The following CSMD1 variants were observed in gnomAD, a reference collection of about 807,000 sequenced individuals.
The protein encoded by CSMD1 is CUB and Sushi multiple domains 1.
In CSMD1, 213 loss-of-function variants were observed where a neutral mutation model predicts 417.5. The ratio of observed to expected loss-of-function variants is 0.51; its 90% CI spans 0.46 to 0.57. The LOEUF (loss-of-function observed/expected upper bound fraction) is 0.57, where lower values mean the gene tolerates loss of function less well. Ranked by LOEUF, CSMD1 falls within the 20% of genes least tolerant of loss-of-function variation. The probability of loss-of-function intolerance (pLI) is 0.00; values close to 1 mark genes in which losing one functional copy is unlikely to be tolerated. For synonymous variants in CSMD1, 2,862 were observed against 1,736.8 expected, an observed-to-expected ratio of 1.65 and a Z score of -16.11; for missense variants, 6,923 against 4,529.7, an observed-to-expected ratio of 1.53 and a Z score of -15.17.
At chr8:4,852,896 G>A (rs1801566976) in intron 1 of CSMD1, among the ~76,000 whole-genome samples, 1 of 152,162 alleles carries the variant, frequency 6.6e-6, no homozygotes, top group Non-Finnish European at 1.5e-5. Flanking sequence ...AGGAATCTGT[G>A]GAAGGTTGAG....
chr8:4,225,859 AACT>A (rs1737796001), intron 3 of CSMD1, among the ~76,000 whole-genome samples: 1 of 152,212 alleles, frequency 6.6e-6, no homozygotes, highest in East Asian at 1.9e-4. Flanking sequence ...TGAAAGTTTT[AACT>A]GTGCATATAT....
At chr8:3,720,611 C>G (rs1448269673) in intron 6 of CSMD1, among the ~76,000 whole-genome samples, 2 of 63,412 alleles carry the variant, frequency 3.2e-5, no homozygotes, top group Non-Finnish European at 6.4e-5. Flanking sequence ...TGGTCAAAGT[C>G]TTTATTCTTA....
intron 1 of CSMD1, among the ~76,000 whole-genome samples, chr8:4,651,612 G>C (rs545436018): frequency 5.3e-5 from 8 of 152,246 alleles, no homozygotes; most frequent in Non-Finnish European, 1.0e-4. Flanking sequence ...GGCCCACATG[G>C]TTAATATTCT....
chr8:4,030,889 A>C (rs1797308761), intron 4 of CSMD1, among the ~76,000 whole-genome samples: 1 of 152,154 alleles, frequency 6.6e-6, no homozygotes, highest in Non-Finnish European at 1.5e-5. Flanking sequence ...ATCTCTCTCA[A>C]GTTCAAAGTT....
At chr8:4,345,699 TA>T (rs1481854943) in intron 3 of CSMD1, among the ~76,000 whole-genome samples, 4 of 152,110 alleles carry the variant, frequency 2.6e-5, no homozygotes, top group Non-Finnish European at 1.5e-5. Context: ...GTAATTTTTT[TA>T]AAAAGGCTCA....
Position 3,953,682 on chromosome 8 carries a change from CG to C in CSMD1, c.818+44220del, listed in dbSNP as rs796673643. On this transcript the variant is annotated intron_variant, in intron 5 of 69. Coordinates refer to ENST00000635120, the MANE Select transcript of CSMD1 (RefSeq NM_033225.6). ...GACTGGGAGCCTGGGGAAGTGATGG[CG>C]GGGAGGGGTGAGGGGTGGATAGGCA... Among the ~76,000 whole-genome samples, 110 of 151,860 alleles carry C rather than the reference CG, an allele frequency of 7.2e-4. 1 individual carries two copies. In the Middle Eastern group the frequency reaches 0.01, roughly 14 times the overall value.
At chr8:3,457,505 G>A (rs567884885) in intron 12 of CSMD1, among the ~76,000 whole-genome samples, 8 of 152,336 alleles carry the variant, frequency 5.3e-5, no homozygotes, top group Admixed American at 4.6e-4. Flanking sequence ...TTGGAGCTGA[G>A]TCATCAAAAC....
intron 1 of CSMD1, among the ~76,000 whole-genome samples, chr8:4,722,164 T>C (rs555817305): frequency 6.6e-6 from 1 of 152,216 alleles, no homozygotes; most frequent in Non-Finnish European, 1.5e-5. Flanking sequence ...ATGTAAGATT[T>C]TTACACACAC....
intron 10 of CSMD1, among the ~76,000 whole-genome samples, chr8:3,538,484 G>C (rs940670123): frequency 3.3e-5 from 5 of 151,976 alleles, no homozygotes; most frequent in Non-Finnish European, 5.9e-5. Context: ...ATACACCTGA[G>C]ATGCCTCACC....
intron 51 of CSMD1, among the ~76,000 whole-genome samples, chr8:3,024,415 C>A (rs1320762094): frequency 6.6e-6 from 1 of 152,054 alleles, no homozygotes; most frequent in Non-Finnish European, 1.5e-5. Context: ...AAGCGATTCT[C>A]CTGCCTCAGC....
intron 2 of CSMD1, among the ~76,000 whole-genome samples, chr8:4,529,830 G>C (rs944531339): frequency 2.7e-5 from 4 of 149,872 alleles, no homozygotes; most frequent in African/African-American, 9.8e-5. Context: ...ATCAAAATTC[G>C]TGCATAGGTT....
At chr8:4,733,024 GA>G (rs11308667) in intron 1 of CSMD1, among the ~76,000 whole-genome samples, 76,195 of 149,084 alleles carry the variant, frequency 0.51, 19,810 homozygotes, top group Admixed American at 0.58. Context: ...GGTTTCTTTG[GA>G]AAAAAAAAAA....
chr8:3,943,423 T>TA (rs5889003), intron 5 of CSMD1, among the ~76,000 whole-genome samples: 111,687 of 137,126 alleles, frequency 0.81, 45,355 homozygotes, highest in African/African-American at 0.85. Flanking sequence ...TTTTTTTCAT[T>TA]AAAAAAAAAA....
chr8:3,396,331 G>A lies in CSMD1; in HGVS notation c.2456C>T (p.Ala819Val). Residue 819 changes from alanine to valine, a missense_variant, in exon 17 of 70, where the codon GCC (alanine) becomes GTC (valine). Physicochemically the swap from Ala to Val is moderately conservative, Grantham distance 64. Coordinates refer to ENST00000635120, the MANE Select transcript of CSMD1 (RefSeq NM_033225.6). ...CTCGCCGATCAGTGGGGACGAACTG[G>A]CTGGCCCATCTCTGACCTCCAAGGT... is the stretch of plus-strand genomic sequence containing the variant. Reference protein sequence around the residue: ...YDTLEVRDGPASSSPLIGEYH... With the variant: ...YDTLEVRDGPVSSSPLIGEYH... The A allele has an allele frequency of 1.2e-6, 2 of 1,607,812 alleles. No individual in the cohort carries two copies. The highest frequency in any genetic ancestry group is 1.7e-6 in the Non-Finnish European group (2 of 1,177,122).
At chr8:3,384,781 A>ATTATATTATATAT (rs1810883144) in intron 18 of CSMD1, among the ~76,000 whole-genome samples, 1 of 122,394 alleles carries the variant, frequency 8.2e-6, no homozygotes, top group African/African-American at 3.2e-5. Flanking sequence ...ATATTTATAT[A>ATTATATTATATAT]ATATATATTA....
chr8:3,099,098 T>TC lies in CSMD1; in HGVS notation c.6950-2062dup, dbSNP rs1459357753. Among the ~76,000 whole-genome samples the TC allele has an allele frequency of 2.0e-5, 3 of 151,860 alleles. No individual in the cohort carries two copies. In the East Asian group the frequency reaches 5.8e-4, roughly 29 times the overall value. On this transcript the variant is annotated intron_variant, in intron 46 of 69. Transcript: ENST00000635120. ...AACTCTTCTCCGTGCCGTTCACCCTTCCCCCAAGCCTCTTTACATTTCTAA... is the reference window on the plus strand; with the variant it reads ...AACTCTTCTCCGTGCCGTTCACCCTTCCCCCCAAGCCTCTTTACATTTCTAA...
At chr8:3,048,329 G>A (rs1811592963) in intron 50 of CSMD1, among the ~76,000 whole-genome samples, 1 of 152,088 alleles carries the variant, frequency 6.6e-6, no homozygotes, top group Non-Finnish European at 1.5e-5. Context: ...ATCATATTCT[G>A]TCGTAGCCAA....
chr8:4,600,701 T>A (rs1800534142), intron 2 of CSMD1, among the ~76,000 whole-genome samples: 1 of 152,186 alleles, frequency 6.6e-6, no homozygotes, highest in African/African-American at 2.4e-5. Context: ...GGAATGGCAT[T>A]CTTTTCTACT....
At position 3,110,869 on chromosome 8, in the gene CSMD1, C is replaced by G. The variant is rs145491345; in HGVS notation, c.6431-534G>C. Among the ~76,000 whole-genome samples the G allele has an allele frequency of 1.4e-4, 21 of 152,288 alleles. No homozygotes were observed. The East Asian group carries it at 3.9e-3, about 28-fold the overall frequency. ...TTATGTAAGTGGTGTTTTGCGGAAGCATTTCCAGTTTTTACTAGTGTTCAA... is the reference window on the plus strand; with the variant it reads ...TTATGTAAGTGGTGTTTTGCGGAAGGATTTCCAGTTTTTACTAGTGTTCAA... On this transcript the variant is annotated intron_variant, in intron 42 of 69. Transcript: ENST00000635120.
Sources: gnomAD v4.1 joint callset for allele counts (sites outside exome capture counted in the v4.1 genomes callset) on GRCh38, gnomAD v4.1.1 for gene constraint, MANE v1.5 for transcripts, NCBI Gene and HGNC (gene_info 2026-07-23, HGNC 2026-07-21) for gene names.